APOL2: variants seen among roughly 807,000 people sequenced by gnomAD.
The protein encoded by APOL2 is apolipoprotein L, 2.
A neutral mutation model predicts 7.1 loss-of-function variants in APOL2; 8 were observed. The observed-to-expected ratio is 1.12, with a 90% CI of 0.66 to 2.03. APOL2 has a LOEUF of 2.03. Among genes scored for constraint, APOL2 ranks in the 30% most tolerant of loss-of-function variants. The pLI, the probability that APOL2 is intolerant of heterozygous loss-of-function variation, is 0.00. For synonymous variants in APOL2, 177 were observed against 159.9 expected (o/e 1.11, Z -0.81); for missense variants, 471 against 415.1 (o/e 1.13, Z -1.17).
At chr22:36,229,391 A>T (rs2015140754) in intron 4 of APOL2, among the ~76,000 whole-genome samples, 1 of 152,090 alleles carries the variant, frequency 6.6e-6, no homozygotes. Flanking sequence ...TAAAGGCTTC[A>T]TTTCTGGTTT....
intron 4 of APOL2, 77 bp downstream of exon 4, chr22:36,231,263 G>A (rs2015211018): frequency 3.8e-6 from 6 of 1,561,714 alleles, no homozygotes; most frequent in Non-Finnish European, 5.2e-6. Flanking sequence ...AGGTGTGCCT[G>A]TCAGGGACAA....
Position 36,231,464 on chromosome 22 carries a change from T to A in APOL2, c.13A>T (p.Ser5Cys). MNPE[S>C]SIFIEDYLKY... ...AGGTAATCCTCAATAAAGATACTGCTCTCTAGTTGGAAAGAAGAAAGGATA... is the reference window on the plus strand; with the variant it reads ...AGGTAATCCTCAATAAAGATACTGCACTCTAGTTGGAAAGAAGAAAGGATA... The change falls in exon 4 of 5, where the codon AGC becomes TGC. Residue 5 changes from serine (S) to cysteine (C), a missense_variant and splice_region_variant. Physicochemically the swap from Ser to Cys is moderately radical, Grantham distance 112. Coordinates refer to ENST00000358502, the MANE Select transcript of APOL2 (RefSeq NM_030882.4). The A allele has an allele frequency of 1.1e-5, 17 of 1,608,576 alleles. No homozygotes were observed. The highest frequency in any genetic ancestry group is 1.4e-5 in the Non-Finnish European group (17 of 1,179,172).
At position 36,228,767 on chromosome 22, in the gene APOL2, T is replaced by G. The variant is rs566768049; in HGVS notation, c.138-487A>C. ...AATGTCCTGCCTGGTAGGAACATCT[T>G]TCTTTGCCTGGTGATTTGGCCACGG... On this transcript the variant is annotated intron_variant, in intron 4 of 4. Coordinates refer to ENST00000358502, the MANE Select transcript of APOL2 (RefSeq NM_030882.4). 3.3e-4 allele frequency among the ~76,000 whole-genome samples: 50 copies of G among 152,298 alleles called. No individual in the cohort carries two copies. The South Asian group carries it at 3.9e-3, about 12-fold the overall frequency.
At chr22:36,230,195 G>T (rs2015168261) in intron 4 of APOL2, among the ~76,000 whole-genome samples, 1 of 152,228 alleles carries the variant, frequency 6.6e-6, no homozygotes, top group South Asian at 2.1e-4. Context: ...TTGTGAGTCT[G>T]CTCAGTACCC....
chr22:36,239,679 A>G (rs953817477), upstream of APOL2: 11 of 603,816 alleles, frequency 1.8e-5, no homozygotes, highest in East Asian at 2.9e-5. Flanking sequence ...TTGCTGCTGC[A>G]CTTAGAGGAG....
chr22:36,237,142 G>T, intron 1 of APOL2: 1 of 1,527,444 alleles, frequency 6.5e-7, no homozygotes. Flanking sequence ...TTTGTCTGGA[G>T]CCTCTGCTGG....
intron 1 of APOL2, chr22:36,239,096 C>T (rs990433708): frequency 1.7e-5 from 20 of 1,154,748 alleles, no homozygotes; most frequent in Admixed American, 1.3e-4. Context: ...TCTTTGATTC[C>T]TTCAAATTTC....
chr22:36,230,745 C>A (rs979406357), intron 4 of APOL2, among the ~76,000 whole-genome samples: 2 of 151,832 alleles, frequency 1.3e-5, no homozygotes, highest in African/African-American at 4.8e-5. Flanking sequence ...AGCCCAGAGC[C>A]CAGGAACTAG....
At chr22:36,237,325 A>T in intron 1 of APOL2, 1 of 1,338,590 alleles carries the variant, frequency 7.5e-7, no homozygotes, top group Non-Finnish European at 9.6e-7. Context: ...AGGGACTCTC[A>T]GCAAAGCATC....
At chr22:36,232,501 T>C (rs574667230) in intron 3 of APOL2, among the ~76,000 whole-genome samples, 1 of 152,346 alleles carries the variant, frequency 6.6e-6, no homozygotes, top group South Asian at 2.1e-4. Flanking sequence ...TGGCAGGCTT[T>C]GGCCAGGCCA....
intron 4 of APOL2, among the ~76,000 whole-genome samples, chr22:36,230,492 C>A (rs1022453053): frequency 6.6e-6 from 1 of 152,108 alleles, no homozygotes; most frequent in African/African-American, 2.4e-5. Flanking sequence ...TCTTTCCACA[C>A]CCTAGTCCCA....
Position 36,227,202 on chromosome 22 carries a change from G to C in APOL2, c.*202C>G. 1.8e-6 allele frequency: 1 copy of C among 560,788 alleles called. No individual in the cohort carries two copies. The highest frequency in any genetic ancestry group is 2.9e-6 in the Non-Finnish European group (1 of 346,842). The allele number at this position is 560,788 out of a possible 1,614,324, so 34.7% of individuals were successfully genotyped here. On this transcript the variant is annotated 3_prime_UTR_variant, in exon 5 of 5. Coordinates refer to ENST00000358502, the MANE Select transcript of APOL2 (RefSeq NM_030882.4). ...GTGGTGGCAGGTGCCTGTAGTCCCA[G>C]CTACTCGGGAGACTGAGGCCGGAGA...
chr22:36,239,513 G>A lies in APOL2; in HGVS notation c.-206C>T, dbSNP rs1474244847. ...AGCTGTGTGGATCCCACGTCCAGCT[G>A]TGCATCTGTGTAATAACCAGACACG... On this transcript the variant is annotated 5_prime_UTR_variant, in exon 1 of 5. Coordinates refer to ENST00000358502, the MANE Select transcript of APOL2 (RefSeq NM_030882.4). 1 of 1,586,334 alleles carries A rather than the reference G, an allele frequency of 6.3e-7. No homozygotes were observed. The highest frequency in any genetic ancestry group is 8.5e-7 in the Non-Finnish European group (1 of 1,172,944).
chr22:36,233,305 G>T, intron 2 of APOL2, 64 bp from the exon 3 acceptor site: 1 of 1,599,374 alleles, frequency 6.3e-7, no homozygotes. Flanking sequence ...AGGGAGGCTG[G>T]AGGGGCTGGG....
In APOL2 at chr22:36,231,303, C is replaced by T. The variant is rs183553366; in HGVS notation, c.137+37G>A. ...CCCAGGGGAGATCTGAGTGGCATCGCTGGGGCGCCCCATGGAGTTAACCCC... is the reference window on the plus strand; with the variant it reads ...CCCAGGGGAGATCTGAGTGGCATCGTTGGGGCGCCCCATGGAGTTAACCCC... On this transcript the variant is annotated intron_variant, in intron 4 of 4. Coordinates refer to ENST00000358502, the MANE Select transcript of APOL2 (RefSeq NM_030882.4). The T allele has an allele frequency of 4.0e-4, 637 of 1,606,372 alleles. 3 individuals are homozygous for T. The African/African-American group carries it at 7.8e-3, about 20-fold the overall frequency.
chr22:36,227,702 T>C lies in APOL2; in HGVS notation c.716A>G (p.Tyr239Cys), dbSNP rs368341330. 8.7e-6 allele frequency: 14 copies of C among 1,614,092 alleles called. No individual in the cohort carries two copies. Among genetic ancestry groups the C allele is most frequent in the Non-Finnish European group, 1.2e-5 (14 of 1,180,032 alleles). The stretch of plus-strand genomic sequence containing the variant: ...CCCAATGACATGCGGGGGTGGGGCA[T>C]ACGCTCCTAACTGAGGGTTGGCTCT... ...RARANPQLGA[Y>C]APPPHVIGRI... The change falls in exon 5 of 5, where the codon TAT becomes TGT. Residue 239 changes from tyrosine (Y) to cysteine (C), a missense_variant. By Grantham distance (194) the Tyr-to-Cys change is radical (BLOSUM62 -2). Transcript: ENST00000358502.
intron 4 of APOL2, among the ~76,000 whole-genome samples, chr22:36,230,078 A>G (rs2015164342): frequency 6.6e-6 from 1 of 152,240 alleles, no homozygotes; most frequent in South Asian, 2.1e-4. Context: ...TGGAACCACT[A>G]GAAGACTCAA....
chr22:36,231,635 G>A (rs1225459563), intron 3 of APOL2, among the ~76,000 whole-genome samples, 169 bp from the exon 4 acceptor site: 1 of 152,164 alleles, frequency 6.6e-6, no homozygotes, highest in Non-Finnish European at 1.5e-5. Context: ...AAATTCATAT[G>A]CTGAAGCCCT....
At chr22:36,234,493 T>C (rs2015335995) in intron 1 of APOL2, among the ~76,000 whole-genome samples, 1 of 152,236 alleles carries the variant, frequency 6.6e-6, no homozygotes, top group African/African-American at 2.4e-5. Flanking sequence ...ACACCCGGCC[T>C]GAATAAATGC....
Sources: allele counts gnomAD v4.1 joint callset (sites outside exome capture counted in the v4.1 genomes callset), GRCh38; gene constraint gnomAD v4.1.1; transcripts MANE v1.5; gene names NCBI Gene and HGNC (gene_info 2026-07-23, HGNC 2026-07-21).